Variants in IL19 observed in about 807,000 individuals in gnomAD.
IL19 encodes the protein interleukin-19.
In IL19, 15 loss-of-function variants were observed where a neutral mutation model predicts 19.5. The ratio of observed to expected loss-of-function variants is 0.77; its 90% CI spans 0.52 to 1.19. The LOEUF is 1.19. Ranked by LOEUF, IL19 falls within the 50% of genes most tolerant of loss-of-function variation. The pLI is 0.00. For missense variants in IL19, 199 were observed against 213.1 expected, an observed-to-expected ratio of 0.93 and a Z score of 0.41; for synonymous variants, 78 against 78.3, an observed-to-expected ratio of 1.00 and a Z score of 0.02.
chr1:206,834,345 T>C, intron 2 of IL19: 1 of 985,620 alleles, frequency 1.0e-6, no homozygotes, highest in Non-Finnish European at 1.2e-6. Context: ...CCTTTCCAAA[T>C]GGCAGAGAGC....
chr1:206,836,559 C>T lies in IL19; in HGVS notation c.-2-102C>T, dbSNP rs1676800234. On this transcript the variant is annotated intron_variant, in intron 2 of 6. Transcript: ENST00000659997. Reference sequence around the variant, plus strand: ...TTTAGTGTTGTTTTCTTGTATTCCTCCCGGCTTGCCTTCGAGGCTGGAAAG... The same window carrying T: ...TTTAGTGTTGTTTTCTTGTATTCCTTCCGGCTTGCCTTCGAGGCTGGAAAG... 14 of 1,095,416 alleles carry T rather than the reference C, an allele frequency of 1.3e-5. No homozygotes were observed. The South Asian group carries it at 2.0e-4, about 16-fold the overall frequency. 67.9% of individuals were successfully genotyped at this position (1,095,416 alleles called of 1,614,324 possible).
chr1:206,795,101 T>G (rs899280612), intron 1 of IL19, among the ~76,000 whole-genome samples: 1 of 152,086 alleles, frequency 6.6e-6, no homozygotes, highest in Non-Finnish European at 1.5e-5. Flanking sequence ...ACAAAAAGCT[T>G]AGGCATAGGG....
At chr1:206,796,407 A>G (rs1235309098) in intron 1 of IL19, among the ~76,000 whole-genome samples, 1 of 152,060 alleles carries the variant, frequency 6.6e-6, no homozygotes. Flanking sequence ...AGCCATCACA[A>G]TCCTCCATTC....
intron 2 of IL19, among the ~76,000 whole-genome samples, chr1:206,815,538 A>T (rs1558616217): frequency 6.6e-6 from 1 of 152,216 alleles, no homozygotes; most frequent in Non-Finnish European, 1.5e-5. Context: ...ATCCTGAGTT[A>T]AAAATATTCC....
intron 1 of IL19, among the ~76,000 whole-genome samples, chr1:206,795,284 C>A (rs958478634): frequency 6.6e-6 from 1 of 152,202 alleles, no homozygotes; most frequent in African/African-American, 2.4e-5. Flanking sequence ...CCAAGCCCAC[C>A]TTCTTGAACA....
chr1:206,784,768 C>T (rs1675229057), intron 1 of IL19, among the ~76,000 whole-genome samples: 3 of 152,248 alleles, frequency 2.0e-5, no homozygotes, highest in South Asian at 4.1e-4. Flanking sequence ...CCCTAGAAAG[C>T]GCTTCACATC....
intron 1 of IL19, among the ~76,000 whole-genome samples, chr1:206,780,075 C>G (rs1252592860): frequency 2.6e-5 from 4 of 152,204 alleles, no homozygotes; most frequent in African/African-American, 9.7e-5. Context: ...CTTCAGCTCT[C>G]AGCTCAGATG....
intron 2 of IL19, among the ~76,000 whole-genome samples, chr1:206,811,542 T>A (rs1292116174): frequency 6.6e-6 from 1 of 152,084 alleles, no homozygotes; most frequent in Admixed American, 6.5e-5. Context: ...AATCTCTTGA[T>A]TGAAGGTGGA....
At position 206,770,915 on chromosome 1, in the gene IL19, G is replaced by A. The variant is rs746523858; in HGVS notation, c.-312G>A. The stretch of plus-strand genomic sequence containing the variant: ...ACTGATCTGCTACTTACACAGCGCC[G>A]TAGCCTCAGCCTGAGGGTCTTCAGG... On this transcript the variant is annotated 5_prime_UTR_variant, in exon 1 of 7. Coordinates refer to ENST00000659997, the MANE Select transcript of IL19 (RefSeq NM_153758.5). 8.1e-6 allele frequency: 13 copies of A among 1,613,964 alleles called. No individual in the cohort carries two copies. Among genetic ancestry groups the A allele is most frequent in the Non-Finnish European group, 3.4e-6 (4 of 1,179,974 alleles).
chr1:206,830,489 AT>A (rs1054485135), intron 2 of IL19, among the ~76,000 whole-genome samples: 5 of 152,020 alleles, frequency 3.3e-5, no homozygotes, highest in Admixed American at 3.3e-4. Context: ...ATCTAGATAT[AT>A]TTACCAAGAC....
intron 2 of IL19, among the ~76,000 whole-genome samples, chr1:206,830,606 T>A (rs1676571275): frequency 6.6e-6 from 1 of 151,568 alleles, no homozygotes; most frequent in Non-Finnish European, 1.5e-5. Flanking sequence ...TGAGATGGAG[T>A]CTTGCTCTGT....
At chr1:206,801,526 C>G (rs894252577) in intron 2 of IL19, among the ~76,000 whole-genome samples, 4 of 152,206 alleles carry the variant, frequency 2.6e-5, no homozygotes, top group African/African-American at 9.7e-5. Context: ...CTCTATGGCT[C>G]TGGGTCAGTC....
At chr1:206,777,938 AC>A (rs1675048214) in intron 1 of IL19, among the ~76,000 whole-genome samples, 1 of 152,190 alleles carries the variant, frequency 6.6e-6, no homozygotes, top group Admixed American at 6.5e-5. Context: ...TGCCTATCAC[AC>A]ACCCAAAGTG....
intron 1 of IL19, among the ~76,000 whole-genome samples, chr1:206,776,459 T>C (rs1674997117): frequency 6.6e-6 from 1 of 151,740 alleles, no homozygotes; most frequent in African/African-American, 2.4e-5. Flanking sequence ...TGTGTGCTTA[T>C]GCAAATAGAT....
intron 2 of IL19, among the ~76,000 whole-genome samples, chr1:206,821,132 A>C (rs1345204735): frequency 6.6e-6 from 1 of 152,170 alleles, no homozygotes; most frequent in Non-Finnish European, 1.5e-5. Context: ...AGGGGATGAA[A>C]TTGTTGTCAT....
At chr1:206,771,467 A>G in intron 1 of IL19, 2 of 1,450,658 alleles carry the variant, frequency 1.4e-6, no homozygotes, top group Non-Finnish European at 1.9e-6. Context: ...AAATAACTGA[A>G]ATGCGGTCTT....
intron 4 of IL19, among the ~76,000 whole-genome samples, 156 bp from the exon 5 acceptor site, chr1:206,839,694 G>A (rs929017401): frequency 6.6e-6 from 1 of 152,114 alleles, no homozygotes; most frequent in Non-Finnish European, 1.5e-5. Flanking sequence ...GCTTTGATGG[G>A]AATAAGAGAG....
chr1:206,808,853 C>T (rs1675926636), intron 2 of IL19, among the ~76,000 whole-genome samples: 1 of 152,116 alleles, frequency 6.6e-6, no homozygotes. Context: ...AGGTGAGAGA[C>T]AGATGTAGTG....
At chr1:206,829,881 A>G (rs958806153) in intron 2 of IL19, among the ~76,000 whole-genome samples, 1 of 152,172 alleles carries the variant, frequency 6.6e-6, no homozygotes, top group Non-Finnish European at 1.5e-5. Flanking sequence ...TGGGCAAAAA[A>G]GGAGGAGGAG....
Sources: allele counts gnomAD v4.1 joint callset (sites outside exome capture counted in the v4.1 genomes callset), GRCh38; gene constraint gnomAD v4.1.1; transcripts MANE v1.5; gene names NCBI Gene and HGNC (gene_info 2026-07-23, HGNC 2026-07-21).